Variants in IQCH observed in about 807,000 individuals in gnomAD.
IQCH encodes the protein IQ motif containing H, also known as IQ domain-containing protein H.
Under a neutral mutation model 117.0 loss-of-function variants are expected in IQCH, and 98 were observed. The ratio of observed to expected loss-of-function variants is 0.84; its 90% confidence interval spans 0.71 to 0.99. The LOEUF is 0.99. Ranked by LOEUF, IQCH falls within the 50% of genes least tolerant of loss-of-function variation. The probability of loss-of-function intolerance (pLI) is 0.00; values close to 1 mark genes in which losing one functional copy is unlikely to be tolerated. For missense variants in IQCH, 1,102 were observed against 1,243.8 expected, an observed-to-expected ratio of 0.89 and a Z score of 1.72; for synonymous variants, 412 against 448.2, an observed-to-expected ratio of 0.92 and a Z score of 1.02.
At position 67,365,822 on chromosome 15, in the gene IQCH, C is replaced by G. The variant is rs775696981; in HGVS notation, c.753+5937C>G. Among the ~76,000 whole-genome samples, 1 of 152,054 alleles carries G rather than the reference C, an allele frequency of 6.6e-6. No individual in the cohort carries two copies. Among genetic ancestry groups the G allele is most frequent in the Non-Finnish European group, 1.5e-5 (1 of 68,024 alleles). On this transcript the variant is annotated intron_variant, in intron 8 of 20. Transcript: ENST00000335894. This position sits in a 1 kb window ranked among gnomAD's most constrained non-coding sequence, Gnocchi z 4.4. ...GCGCGTGCCTGTAATCCTGGCTGCTCAGGAAGCTGAGGCAGGAGAATCACT... is the reference window on the plus strand; with the variant it reads ...GCGCGTGCCTGTAATCCTGGCTGCTGAGGAAGCTGAGGCAGGAGAATCACT...
At chr15:67,322,132 T>C (rs1261134160) in intron 4 of IQCH, among the ~76,000 whole-genome samples, 1 of 152,236 alleles carries the variant, frequency 6.6e-6, no homozygotes, top group Admixed American at 6.5e-5. Context: ...ACATATTTTG[T>C]GTTAATATTA....
intron 4 of IQCH, chr15:67,307,225 C>T (rs1339651911): frequency 3.6e-5 from 28 of 776,798 alleles, no homozygotes; most frequent in Non-Finnish European, 4.1e-5. Context: ...GCAATGTAAA[C>T]TTAGAATCTT....
At position 67,338,245 on chromosome 15, in the gene IQCH, A is replaced by G. The variant is rs546749221; in HGVS notation, c.508+1150A>G. On this transcript the variant is annotated intron_variant, in intron 5 of 20. Coordinates refer to ENST00000335894, the MANE Select transcript of IQCH (RefSeq NM_001031715.3). The stretch of plus-strand genomic sequence containing the variant: ...TATCTATCTATCTATCTATCTATCT[A>G]TCTGTCTGCTCTGCTTTAGCAATAG... Among the ~76,000 whole-genome samples, 87 of 151,108 alleles carry G rather than the reference A, an allele frequency of 5.8e-4. 1 individual carries two copies. The highest frequency in any genetic ancestry group is 4.1e-3 in the Admixed American group (62 of 15,110).
chr15:67,468,620 G>A (rs1333271880), intron 17 of IQCH, among the ~76,000 whole-genome samples: 2 of 152,276 alleles, frequency 1.3e-5, no homozygotes, highest in African/African-American at 2.4e-5. Flanking sequence ...TGCCTGCTTC[G>A]TAACTGAAAT....
chr15:67,303,496 G>A (rs780526421), intron 4 of IQCH, among the ~76,000 whole-genome samples: 2 of 152,040 alleles, frequency 1.3e-5, no homozygotes, highest in Non-Finnish European at 2.9e-5. Context: ...TATTCCCTAC[G>A]TGCCAAATTA....
intron 14 of IQCH, among the ~76,000 whole-genome samples, chr15:67,402,974 A>C (rs1316337499): frequency 6.6e-6 from 1 of 152,230 alleles, no homozygotes; most frequent in Admixed American, 6.5e-5. Context: ...TGGGCCGGGC[A>C]TGGTGGCTCA....
intron 1 of IQCH, among the ~76,000 whole-genome samples, chr15:67,258,681 C>T (rs886274919): frequency 6.6e-6 from 1 of 152,120 alleles, no homozygotes; most frequent in Admixed American, 6.5e-5. Context: ...TAGAGCAAAT[C>T]TTTGCTGCAT....
intron 16 of IQCH, among the ~76,000 whole-genome samples, chr15:67,461,908 G>A (rs975948169): frequency 2.0e-5 from 3 of 152,156 alleles, no homozygotes; most frequent in Non-Finnish European, 4.4e-5. Context: ...CGGACAATGT[G>A]CCTTCTAAGA....
intron 18 of IQCH, among the ~76,000 whole-genome samples, chr15:67,486,394 T>C (rs1720797165): frequency 6.6e-6 from 1 of 151,950 alleles, no homozygotes; most frequent in Non-Finnish European, 1.5e-5. Flanking sequence ...TTTTAAAGTA[T>C]TGAAAGGAAA....
rs913418787 is a variant in IQCH, at chr15:67,357,241, G to A, written c.638-104G>A. The A allele has an allele frequency of 7.8e-6, 6 of 767,838 alleles. No individual in the cohort carries two copies. The Admixed American group carries it at 8.9e-5, about 11-fold the overall frequency. The allele number at this position is 767,838 out of a possible 1,614,324, so 47.6% of individuals were successfully genotyped here. A position where few individuals can be genotyped will look rare whatever the true frequency, so the allele number is the denominator to read the frequency against. On this transcript the variant is annotated intron_variant, in intron 6 of 20. Transcript: ENST00000335894. The stretch of plus-strand genomic sequence containing the variant: ...AAAGAAAGGTAGTGAGCGCACAGTG[G>A]GTGACAGAGCCATTTGACTTTCAAG...
At chr15:67,452,697 T>C (rs1428707217) in intron 16 of IQCH, among the ~76,000 whole-genome samples, 4 of 152,256 alleles carry the variant, frequency 2.6e-5, no homozygotes, top group African/African-American at 9.6e-5. Flanking sequence ...CTGACAATTA[T>C]GTGTCTTGGA....
intron 15 of IQCH, among the ~76,000 whole-genome samples, chr15:67,419,553 A>C (rs990686736): frequency 5.3e-5 from 8 of 152,028 alleles, no homozygotes; most frequent in African/African-American, 1.9e-4. Flanking sequence ...ATACTTTTTC[A>C]TTTTAATTTT....
At chr15:67,304,310 A>C in intron 4 of IQCH, 1 of 1,199,410 alleles carries the variant, frequency 8.3e-7, no homozygotes, top group African/African-American at 1.5e-5. Context: ...TTCATCCAGC[A>C]TGAAAGTTTC....
At chr15:67,283,337 T>C (rs543518120) in intron 4 of IQCH, among the ~76,000 whole-genome samples, 1 of 152,104 alleles carries the variant, frequency 6.6e-6, no homozygotes, top group African/African-American at 2.4e-5. Flanking sequence ...ATATGTAGGG[T>C]TTGTGTTGGT....
At chr15:67,312,196 G>T (rs1390245947) in intron 4 of IQCH, among the ~76,000 whole-genome samples, 1 of 151,992 alleles carries the variant, frequency 6.6e-6, no homozygotes, top group East Asian at 1.9e-4. Flanking sequence ...AGGGTACAGG[G>T]GTCCATGGGT....
At chr15:67,469,786 T>C (rs1413700102) in intron 17 of IQCH, among the ~76,000 whole-genome samples, 1 of 152,234 alleles carries the variant, frequency 6.6e-6, no homozygotes, top group Non-Finnish European at 1.5e-5. Context: ...GCTGTTATTA[T>C]GCCCATTTTT....
intron 4 of IQCH, among the ~76,000 whole-genome samples, chr15:67,291,311 G>A (rs1040196420): frequency 1.1e-4 from 17 of 152,008 alleles, no homozygotes; most frequent in Non-Finnish European, 1.6e-4. Flanking sequence ...ACAATACCTG[G>A]CACATGGTAA....
At position 67,260,744 on chromosome 15, in the gene IQCH, T is replaced by C. The variant is rs576047175; in HGVS notation, c.52-528T>C. ...TCATGGGAGAAGGAAAAACAAATAA[T>C]ATGAAAGAATAATTTTTCACAATCT... On this transcript the variant is annotated intron_variant, in intron 1 of 20. Transcript: ENST00000335894. Among the ~76,000 whole-genome samples, 9 of 152,248 alleles carry C rather than the reference T, an allele frequency of 5.9e-5. No homozygotes were observed. In the East Asian group the frequency reaches 1.7e-3, roughly 29 times the overall value.
intron 6 of IQCH, among the ~76,000 whole-genome samples, chr15:67,349,493 C>A (rs1336349522): frequency 1.3e-5 from 2 of 151,168 alleles, no homozygotes; most frequent in Non-Finnish European, 2.9e-5. Flanking sequence ...GTGGTGGGTA[C>A]CTATAATCCC....
Sources: gnomAD v4.1 joint callset for allele counts (sites outside exome capture counted in the v4.1 genomes callset) on GRCh38, gnomAD v4.1.1 for gene constraint, Gnocchi (gnomAD v3.1) non-coding constraint, MANE v1.5 for transcripts, NCBI Gene and HGNC (gene_info 2026-07-23, HGNC 2026-07-21) for gene names.